The following CCDC85C variants were observed in gnomAD, a reference collection of about 807,000 sequenced individuals.
The protein encoded by CCDC85C is coiled-coil domain containing 85C, also known as coiled-coil domain-containing protein 85C.
In CCDC85C, 18 loss-of-function variants were observed where a neutral mutation model predicts 38.3. That is an observed-to-expected ratio of 0.47 (90% CI 0.33 to 0.70). The LOEUF is 0.70. Among genes scored for constraint, CCDC85C ranks in the 30% least tolerant of loss-of-function variants. CCDC85C has a pLI of 0.03. For missense variants in CCDC85C, 566 were observed against 621.2 expected (o/e 0.91, Z 0.94); for synonymous variants, 264 against 293.8 (o/e 0.90, Z 1.04).
chr14:99,564,005 C>T (rs1382865560), intron 1 of CCDC85C, among the ~76,000 whole-genome samples: 2 of 152,204 alleles, frequency 1.3e-5, no homozygotes, highest in East Asian at 3.8e-4. Flanking sequence ...GTATAAGCAG[C>T]CCGTTTTCCT....
At chr14:99,519,260 T>TGG (rs1897272005) in intron 3 of CCDC85C, among the ~76,000 whole-genome samples, 1 of 148,798 alleles carries the variant, frequency 6.7e-6, no homozygotes, top group Non-Finnish European at 1.5e-5. Flanking sequence ...GAACTACAGA[T>TGG]GCACACCACC....
In CCDC85C at chr14:99,511,842, A is replaced by G. The variant is rs764963427; in HGVS notation, c.*3404T>C. The G allele has an allele frequency of 3.3e-5, 5 of 152,510 alleles. No homozygotes were observed. Among genetic ancestry groups the G allele is most frequent in the Non-Finnish European group, 5.9e-5 (4 of 68,054 alleles). 9.4% of individuals were successfully genotyped at this position (152,510 alleles called of 1,614,324 possible). A position where few individuals can be genotyped will look rare whatever the true frequency, so the allele number is the denominator to read the frequency against. ...GGGGCTTGGATTTGAAACCCTTTCC[A>G]CTTCTGGCCTGTGATGAGACAGAGG... On this transcript the variant is annotated 3_prime_UTR_variant, in exon 6 of 6. Transcript: ENST00000380243.
Position 99,526,493 on chromosome 14 carries a change from G to A in CCDC85C, c.868-4253C>T, listed in dbSNP as rs544167916. On this transcript the variant is annotated intron_variant, in intron 2 of 5. Coordinates refer to ENST00000380243, the MANE Select transcript of CCDC85C (RefSeq NM_001144995.2). ...CCACCAATCCCACTCCCACAGATAA[G>A]CCATCATCCCAGGGGCTACGGAGGC... 2.6e-5 allele frequency among the ~76,000 whole-genome samples: 4 copies of A among 152,296 alleles called. No homozygotes were observed. In the South Asian group the frequency reaches 8.3e-4, roughly 32 times the overall value.
At chr14:99,552,567 A>C (rs12883400) in intron 1 of CCDC85C, among the ~76,000 whole-genome samples, 80,774 of 152,006 alleles carry the variant, frequency 0.53, 21,653 homozygotes, top group African/African-American at 0.58. Context: ...GGCACCCTGA[A>C]AGCCCCCTTC....
Position 99,507,259 on chromosome 14 carries a change from C to A in CCDC85C, c.*7987G>T. The A allele has an allele frequency of 1.3e-6, 1 of 760,300 alleles. No homozygotes were observed. The highest frequency in any genetic ancestry group is 1.4e-5 in the South Asian group (1 of 72,100). 47.1% of individuals were successfully genotyped at this position (760,300 alleles called of 1,614,324 possible). On this transcript the variant is annotated 3_prime_UTR_variant, in exon 6 of 6. Coordinates refer to ENST00000380243, the MANE Select transcript of CCDC85C (RefSeq NM_001144995.2). Reference sequence around the variant, plus strand: ...AGACTGGGGCCCAGATTGACAATGTCAGCCACAGGCAGGAATCTTTGCAAA... The same window carrying A: ...AGACTGGGGCCCAGATTGACAATGTAAGCCACAGGCAGGAATCTTTGCAAA...
At chr14:99,587,594 G>A (rs1045402775) in intron 1 of CCDC85C, among the ~76,000 whole-genome samples, 3 of 152,184 alleles carry the variant, frequency 2.0e-5, no homozygotes, top group African/African-American at 4.8e-5. Flanking sequence ...TCACTCACCC[G>A]CTTCTGGGCC....
At chr14:99,566,477 T>C (rs12432298) in intron 1 of CCDC85C, among the ~76,000 whole-genome samples, 87,872 of 151,958 alleles carry the variant, frequency 0.58, 26,062 homozygotes, top group African/African-American at 0.72. Context: ...CTCCCACCTC[T>C]CCTCCCCTCC....
intron 2 of CCDC85C, among the ~76,000 whole-genome samples, chr14:99,531,606 G>C (rs1897495568): frequency 6.6e-6 from 1 of 151,316 alleles, no homozygotes; most frequent in Non-Finnish European, 1.5e-5. Context: ...GGGACCGCGG[G>C]GAGTAGGAAT....
Position 99,501,974 on chromosome 14 carries a change from G to T in CCDC85C, c.*13272C>A. On this transcript the variant is annotated 3_prime_UTR_variant, in exon 6 of 6. Transcript: ENST00000380243. ...TTCATTGGTGTAGCAATTTTTGGAT[G>T]TGCTAGAATTCTTCTGATTCTTTAA... 1 of 389,262 alleles carries T rather than the reference G, an allele frequency of 2.6e-6. No homozygotes were observed. The highest frequency in any genetic ancestry group is 4.5e-6 in the Non-Finnish European group (1 of 223,336). The allele number at this position is 389,262 out of a possible 1,614,324, so 24.1% of individuals were successfully genotyped here.
chr14:99,538,070 C>T (rs1202771668), intron 1 of CCDC85C, among the ~76,000 whole-genome samples: 1 of 152,210 alleles, frequency 6.6e-6, no homozygotes, highest in Non-Finnish European at 1.5e-5. Flanking sequence ...GGGTCTCCCT[C>T]TGGGTGGAGT....
rs1816080711 is a variant in CCDC85C at position 99,507,355 on chromosome 14, T to G, written c.*7891A>C. 1.8e-6 allele frequency: 1 copy of G among 563,372 alleles called. No homozygotes were observed. The highest frequency in any genetic ancestry group is 1.9e-5 in the African/African-American group (1 of 53,040). 34.9% of individuals were successfully genotyped at this position (563,372 alleles called of 1,614,324 possible). ...ACTTTGGGAGGCGGAGGCAGGAGAATCACCTGACCCCAGGAGTTCGAGGTC... is the reference window on the plus strand; with the variant it reads ...ACTTTGGGAGGCGGAGGCAGGAGAAGCACCTGACCCCAGGAGTTCGAGGTC... On this transcript the variant is annotated 3_prime_UTR_variant, in exon 6 of 6. Coordinates refer to ENST00000380243, the MANE Select transcript of CCDC85C (RefSeq NM_001144995.2).
chr14:99,589,884 A>G (rs1251807790), intron 1 of CCDC85C, among the ~76,000 whole-genome samples: 2 of 151,928 alleles, frequency 1.3e-5, no homozygotes, highest in Non-Finnish European at 2.9e-5. Context: ...AGCCCAAGTG[A>G]CCCCCTCCAC....
Position 99,603,243 on chromosome 14 carries a change from C to G in CCDC85C, c.717G>C (p.Lys239Asn), listed in dbSNP as rs2055225696. 2 of 1,403,720 alleles carry G rather than the reference C, an allele frequency of 1.4e-6. No individual in the cohort carries two copies. The highest frequency in any genetic ancestry group is 6.3e-5 in the Admixed American group (2 of 31,814). The allele number at this position is 1,403,720 out of a possible 1,614,324, so 87.0% of individuals were successfully genotyped here. A position where few individuals can be genotyped will look rare whatever the true frequency, so the allele number is the denominator to read the frequency against. The change falls in exon 1 of 6, where the codon AAG becomes AAC. Residue 239 changes from lysine to asparagine, a missense_variant. Physicochemically the swap from Lys to Asn is moderately conservative, Grantham distance 94. Transcript: ENST00000380243. This position sits in a 1 kb window ranked among gnomAD's most constrained non-coding sequence, Gnocchi z 7.5. ...CCAGGGACCGACGTGTGGCTCCTGCCTTGCCGTCGGGGGCCTTGTGCGGCC... is the reference window on the plus strand; with the variant it reads ...CCAGGGACCGACGTGTGGCTCCTGCGTTGCCGTCGGGGGCCTTGTGCGGCC... ...PPGPHKAPDG[K>N]AGATRRSLDD...
intron 1 of CCDC85C, among the ~76,000 whole-genome samples, chr14:99,602,378 A>C (rs1405626192): frequency 6.6e-6 from 1 of 152,222 alleles, no homozygotes; most frequent in African/African-American, 2.4e-5. Flanking sequence ...GTCACGGATG[A>C]CCACGGCACT....
At chr14:99,565,061 C>T (rs1017120975) in intron 1 of CCDC85C, among the ~76,000 whole-genome samples, 1 of 152,140 alleles carries the variant, frequency 6.6e-6, no homozygotes, top group East Asian at 1.9e-4. Context: ...TGCAGCCAGG[C>T]GGCTGCACTT....
intron 3 of CCDC85C, 108 bp from the exon 4 acceptor site, chr14:99,517,291 G>A: frequency 1.2e-6 from 1 of 853,566 alleles, no homozygotes; most frequent in East Asian, 2.7e-5. Context: ...CAGGCAGGAG[G>A]AAAAGGGGAC....
At position 99,503,875 on chromosome 14, in the gene CCDC85C, G is replaced by A. The variant is rs972374149; in HGVS notation, c.*11371C>T. 3 of 546,068 alleles carry A rather than the reference G, an allele frequency of 5.5e-6. No individual in the cohort carries two copies. Among genetic ancestry groups the A allele is most frequent in the Admixed American group, 3.4e-5 (1 of 29,146 alleles). The allele number at this position is 546,068 out of a possible 1,614,324, so 33.8% of individuals were successfully genotyped here. ...AGAAAACATTACTGGCAATAAAAAT[G>A]TACTCAGTAACATATATAAAAGTAT... is the stretch of plus-strand genomic sequence containing the variant. On this transcript the variant is annotated 3_prime_UTR_variant, in exon 6 of 6. Transcript: ENST00000380243.
intron 1 of CCDC85C, among the ~76,000 whole-genome samples, chr14:99,577,854 A>AGT (rs373568172): frequency 1.5e-3 from 177 of 117,270 alleles, no homozygotes; most frequent in African/African-American, 5.4e-3. Context: ...ATCCCCCATC[A>AGT]GTGTGTGTGT....
intron 1 of CCDC85C, among the ~76,000 whole-genome samples, chr14:99,598,721 A>G (rs534605728): frequency 8.5e-4 from 130 of 152,116 alleles, no homozygotes; most frequent in Non-Finnish European, 9.7e-4. Context: ...AGGCCCCCCA[A>G]TCAGCCCCAC....
Sources: allele counts gnomAD v4.1 joint callset (sites outside exome capture counted in the v4.1 genomes callset), GRCh38; gene constraint gnomAD v4.1.1; non-coding constraint Gnocchi (gnomAD v3.1); transcripts MANE v1.5; gene names NCBI Gene and HGNC (gene_info 2026-07-23, HGNC 2026-07-21).